ZNF420: variants seen among roughly 807,000 people sequenced by gnomAD.
The protein encoded by ZNF420 is zinc finger protein 420.
A neutral mutation model predicts 44.7 loss-of-function variants in ZNF420; 31 were observed. That is an observed-to-expected ratio of 0.69 (90% CI 0.52 to 0.94). The LOEUF (loss-of-function observed/expected upper bound fraction) is 0.94. Ranked by LOEUF, ZNF420 falls within the 40% of genes least tolerant of loss-of-function variation. The pLI is 0.00. For missense variants in ZNF420, 681 were observed against 827.9 expected, an observed-to-expected ratio of 0.82 and a Z score of 2.18; for synonymous variants, 245 against 267.4, an observed-to-expected ratio of 0.92 and a Z score of 0.82.
chr19:37,026,957 C>T (rs542759582), intron 1 of ZNF420, among the ~76,000 whole-genome samples: 144 of 152,322 alleles, frequency 9.5e-4, no homozygotes, highest in African/African-American at 3.2e-3. Context: ...CCAAAACCTA[C>T]GATCTCTGAA....
intron 4 of ZNF420, among the ~76,000 whole-genome samples, chr19:37,125,012 A>C (rs1184512329): frequency 6.6e-6 from 1 of 151,876 alleles, no homozygotes; most frequent in South Asian, 2.1e-4. Flanking sequence ...AATTTTTTGT[A>C]TTTTTAGTAG....
chr19:37,110,447 TG>T (rs575230501), intron 4 of ZNF420, among the ~76,000 whole-genome samples: 75 of 152,356 alleles, frequency 4.9e-4, no homozygotes, highest in African/African-American at 1.4e-3. Context: ...TGAATGCAGA[TG>T]ATACCAGTAA....
chr19:37,045,254 A>G (rs1260861345), intron 1 of ZNF420, among the ~76,000 whole-genome samples: 1 of 152,202 alleles, frequency 6.6e-6, no homozygotes, highest in Non-Finnish European at 1.5e-5. Flanking sequence ...TTGATGTTTG[A>G]TGATGTTAAC....
At chr19:37,038,680 C>T (rs779384616) in intron 1 of ZNF420, among the ~76,000 whole-genome samples, 7 of 152,066 alleles carry the variant, frequency 4.6e-5, no homozygotes, top group East Asian at 1.9e-4. Context: ...TGGCAGGGCG[C>T]GGTGGCTCAG....
intron 4 of ZNF420, among the ~76,000 whole-genome samples, chr19:37,106,479 C>T (rs939420664): frequency 5.3e-5 from 8 of 152,310 alleles, no homozygotes; most frequent in African/African-American, 1.7e-4. Flanking sequence ...TCCCATTATT[C>T]TGCCAAAACT....
At chr19:37,100,585 C>T (rs1969714010) in intron 4 of ZNF420, among the ~76,000 whole-genome samples, 1 of 152,016 alleles carries the variant, frequency 6.6e-6, no homozygotes, top group African/African-American at 2.4e-5. Context: ...TGGTGGCAGG[C>T]GTCTGTCATC....
At chr19:37,011,990 G>A (rs983216507) in intron 1 of ZNF420, among the ~76,000 whole-genome samples, 1 of 152,194 alleles carries the variant, frequency 6.6e-6, no homozygotes, top group African/African-American at 2.4e-5. Flanking sequence ...CACGCCTTGA[G>A]GCTCATGGAT....
chr19:37,010,051 C>A (rs999358491), intron 1 of ZNF420, among the ~76,000 whole-genome samples: 1 of 152,194 alleles, frequency 6.6e-6, no homozygotes, highest in Admixed American at 6.5e-5. Context: ...GAGCAGAGCA[C>A]GAGTCGGCCT....
intron 4 of ZNF420, among the ~76,000 whole-genome samples, chr19:37,123,698 G>T (rs1971189782): frequency 7.2e-6 from 1 of 138,880 alleles, no homozygotes; most frequent in East Asian, 2.0e-4. Context: ...CCACCTCCTG[G>T]TTCAAGTGAT....
At position 37,102,667 on chromosome 19, in the gene ZNF420, T is replaced by C. The variant is rs1045737702; in HGVS notation, c.136+11546T>C. Reference sequence around the variant, plus strand: ...TAGGTCTTGGGCTTTACTCAAGTTTTACAACCTCCTACCTGAATTCCAAAG... The same window carrying C: ...TAGGTCTTGGGCTTTACTCAAGTTTCACAACCTCCTACCTGAATTCCAAAG... On this transcript the variant is annotated intron_variant, in intron 4 of 4. Transcript: ENST00000337995. Among the ~76,000 whole-genome samples, 17 of 152,322 alleles carry C rather than the reference T, an allele frequency of 1.1e-4. No individual in the cohort carries two copies. In the East Asian group the frequency reaches 2.1e-3, roughly 19 times the overall value.
chr19:37,087,497 A>T (rs1413902176), intron 2 of ZNF420, among the ~76,000 whole-genome samples: 1 of 152,146 alleles, frequency 6.6e-6, no homozygotes, highest in African/African-American at 2.4e-5. Context: ...TATATGTTGA[A>T]GAAGTCAAAT....
chr19:37,048,698 A>G (rs1289685393), intron 1 of ZNF420, among the ~76,000 whole-genome samples: 2 of 152,070 alleles, frequency 1.3e-5, no homozygotes, highest in African/African-American at 4.8e-5. Context: ...CTCTTTTTTT[A>G]ATTTTTTAAT....
At chr19:37,041,103 C>A (rs967488107) in intron 1 of ZNF420, among the ~76,000 whole-genome samples, 1 of 151,996 alleles carries the variant, frequency 6.6e-6, no homozygotes, top group Non-Finnish European at 1.5e-5. Context: ...GTGGGAGGGT[C>A]ACCTGAGGTC....
At chr19:37,085,399 A>G (rs1209896732) in intron 2 of ZNF420, among the ~76,000 whole-genome samples, 1 of 152,170 alleles carries the variant, frequency 6.6e-6, no homozygotes, top group African/African-American at 2.4e-5. Flanking sequence ...GTTAATGAAG[A>G]GTCTGACTCT....
upstream of ZNF420, chr19:37,078,356 G>T (rs1205234377): frequency 1.3e-5 from 2 of 152,240 alleles, no homozygotes; most frequent in East Asian, 3.9e-4. Flanking sequence ...TTTCCCAGAG[G>T]CACGGCGTCC....
At chr19:37,089,283 AAGTGTG>A (rs1568448417) in intron 3 of ZNF420, among the ~76,000 whole-genome samples, 156 bp downstream of exon 3, 1 of 152,122 alleles carries the variant, frequency 6.6e-6, no homozygotes. Context: ...TGTCTTCCCT[AAGTGTG>A]TCTTTCGAAT....
intron 1 of ZNF420, among the ~76,000 whole-genome samples, chr19:37,066,160 C>T (rs992671000): frequency 6.6e-6 from 1 of 152,152 alleles, no homozygotes; most frequent in Non-Finnish European, 1.5e-5. Context: ...ATTTATAACT[C>T]GGCCAGGCGC....
intron 1 of ZNF420, among the ~76,000 whole-genome samples, chr19:37,060,257 G>T (rs1434686997): frequency 6.6e-6 from 1 of 152,178 alleles, no homozygotes; most frequent in Non-Finnish European, 1.5e-5. Context: ...GGAGATGGTT[G>T]TATCTCCTCG....
At chr19:37,064,303 T>C (rs938499036) in intron 1 of ZNF420, among the ~76,000 whole-genome samples, 5 of 152,230 alleles carry the variant, frequency 3.3e-5, no homozygotes, top group Non-Finnish European at 5.9e-5. Flanking sequence ...TATTAATTTA[T>C]GTCAGTATAG....
Sources: allele counts gnomAD v4.1 joint callset (sites outside exome capture counted in the v4.1 genomes callset), GRCh38; gene constraint gnomAD v4.1.1; transcripts MANE v1.5; gene names NCBI Gene and HGNC (gene_info 2026-07-23, HGNC 2026-07-21).